Variants in TPTE2 observed in about 807,000 individuals in gnomAD.
TPTE2 encodes the protein phosphatidylinositol 3,4,5-trisphosphate 3-phosphatase TPTE2.
In TPTE2, 53 loss-of-function variants were observed where a neutral mutation model predicts 78.6. That is an observed-to-expected ratio of 0.67 (90% CI 0.54 to 0.85). TPTE2 has a LOEUF of 0.85. Among genes scored for constraint, TPTE2 ranks in the 40% least tolerant of loss-of-function variants. The pLI, the probability that TPTE2 is intolerant of heterozygous loss-of-function variation, is 0.00. For missense variants in TPTE2, 461 were observed against 623.0 expected, an observed-to-expected ratio of 0.74 and a Z score of 2.77; for synonymous variants, 175 against 206.2, an observed-to-expected ratio of 0.85 and a Z score of 1.30.
chr13:19,510,857 C>T (rs910673636), intron 1 of TPTE2, among the ~76,000 whole-genome samples: 2 of 152,184 alleles, frequency 1.3e-5, no homozygotes, highest in Non-Finnish European at 2.9e-5. Flanking sequence ...GCTATAAGAA[C>T]ATAAAATGAT....
chr13:19,506,330 C>T (rs1869034217), upstream of TPTE2, among the ~76,000 whole-genome samples: 1 of 150,356 alleles, frequency 6.7e-6, no homozygotes, highest in African/African-American at 2.4e-5. Flanking sequence ...CGCCACTACG[C>T]CCGGCTAATT....
intron 15 of TPTE2, among the ~76,000 whole-genome samples, chr13:19,433,081 T>A (rs1876793497): frequency 6.6e-6 from 1 of 152,204 alleles, no homozygotes; most frequent in Non-Finnish European, 1.5e-5. Context: ...TCCTCAATTC[T>A]GTTTTCTCAA....
chr13:19,484,277 C>G (rs1880527777), intron 3 of TPTE2, among the ~76,000 whole-genome samples: 1 of 152,028 alleles, frequency 6.6e-6, no homozygotes, highest in African/African-American at 2.4e-5. Context: ...TTTGAATGTT[C>G]CTCTTGTTAT....
Position 19,467,105 on chromosome 13 carries a change from A to C in TPTE2, c.512+120T>G, listed in dbSNP as rs115409583. The C allele has an allele frequency of 2.1e-3, 2,592 of 1,242,626 alleles. 52 individuals carry two copies. In the African/African-American group the frequency reaches 0.036, roughly 17 times the overall value. 77.0% of individuals were successfully genotyped at this position (1,242,626 alleles called of 1,614,324 possible). Reference sequence around the variant, plus strand: ...CATTTACCCAAACATTTCATTTTAAAGCAATGTATTTGGTATAGATGAGAA... The same window carrying C: ...CATTTACCCAAACATTTCATTTTAACGCAATGTATTTGGTATAGATGAGAA... On this transcript the variant is annotated intron_variant, in intron 7 of 19. Coordinates refer to ENST00000400230, the Ensembl canonical transcript of TPTE2.
intron 1 of TPTE2, among the ~76,000 whole-genome samples, chr13:19,514,025 G>A (rs1278488087): frequency 6.6e-6 from 1 of 152,098 alleles, no homozygotes; most frequent in African/African-American, 2.4e-5. Flanking sequence ...TGAAGGGTGA[G>A]GGACAGATAC....
At chr13:19,437,137 T>C (rs1217411892) in intron 14 of TPTE2, among the ~76,000 whole-genome samples, 1 of 152,118 alleles carries the variant, frequency 6.6e-6, no homozygotes, top group Non-Finnish European at 1.5e-5. Flanking sequence ...AGATGTCAGT[T>C]ACAACCCAGT....
At position 19,455,679 on chromosome 13, in the gene TPTE2, T is replaced by C. The variant is rs1878500217; in HGVS notation, c.742-4454A>G. Among the ~76,000 whole-genome samples, 3 of 118,448 alleles carry C rather than the reference T, an allele frequency of 2.5e-5. No individual in the cohort carries two copies. In the South Asian group the frequency reaches 1.0e-3, roughly 40 times the overall value. The allele number at this position is 118,448 out of a possible 152,430, so 77.7% of individuals were successfully genotyped here. The stretch of plus-strand genomic sequence containing the variant: ...AAGTTCTAAATAAAATATTAGCAAA[T>C]AGAATCTAGTGATACATAAAAAAAT... On this transcript the variant is annotated intron_variant, in intron 10 of 19. Transcript: ENST00000400230.
At chr13:19,514,074 T>C (rs1322307365) in intron 1 of TPTE2, among the ~76,000 whole-genome samples, 9 of 152,064 alleles carry the variant, frequency 5.9e-5, no homozygotes, top group African/African-American at 1.4e-4. Context: ...GAGGGCTCCT[T>C]TGCTGCCTGT....
intron 1 of TPTE2, among the ~76,000 whole-genome samples, chr13:19,497,867 A>G (rs1400175389): frequency 6.6e-6 from 1 of 151,158 alleles, no homozygotes; most frequent in African/African-American, 2.4e-5. Flanking sequence ...ACGGGAGGAC[A>G]TTCAAACCAA....
chr13:19,461,632 A>C (rs1217456783), intron 10 of TPTE2, among the ~76,000 whole-genome samples: 3 of 152,178 alleles, frequency 2.0e-5, no homozygotes, highest in Non-Finnish European at 4.4e-5. Context: ...ATTGGAGTCT[A>C]TCTTTCCCTT....
intron 1 of TPTE2, among the ~76,000 whole-genome samples, chr13:19,525,301 A>C (rs1870429889): frequency 1.3e-5 from 2 of 152,196 alleles, no homozygotes; most frequent in Non-Finnish European, 2.9e-5. Flanking sequence ...CAAACCATCT[A>C]CAAGGCTACA....
At chr13:19,452,024 A>G (rs1878222452) in intron 10 of TPTE2, among the ~76,000 whole-genome samples, 1 of 152,102 alleles carries the variant, frequency 6.6e-6, no homozygotes, top group Non-Finnish European at 1.5e-5. Flanking sequence ...TTAGTATGGT[A>G]CCCTCAGAGC....
At chr13:19,536,902 T>C (rs1276650032), upstream of TPTE2, 1 of 150,990 alleles carries the variant, frequency 6.6e-6, no homozygotes, top group African/African-American at 2.4e-5. Context: ...ATTTATATAT[T>C]CATGAATATA....
intron 1 of TPTE2, among the ~76,000 whole-genome samples, chr13:19,496,718 T>A (rs1226958268): frequency 2.0e-5 from 3 of 152,162 alleles, no homozygotes; most frequent in Non-Finnish European, 1.5e-5. Flanking sequence ...GATTTTCTCC[T>A]CCCTTCTGTC....
chr13:19,470,714 C>CG (rs1879560039), intron 6 of TPTE2, among the ~76,000 whole-genome samples: 1 of 150,796 alleles, frequency 6.6e-6, no homozygotes. Context: ...TTAGTACAGA[C>CG]GGGGTTTCAC....
chr13:19,431,334 T>G (rs113889408), intron 16 of TPTE2, among the ~76,000 whole-genome samples: 2 of 152,086 alleles, frequency 1.3e-5, no homozygotes, highest in South Asian at 4.1e-4. Flanking sequence ...CAAAAATTCC[T>G]GTGGTGTTCA....
the TPTE2 span, among the ~76,000 whole-genome samples, chr13:19,559,290 T>C: frequency 1.1e-4 from 17 of 152,164 alleles, no homozygotes; most frequent in Non-Finnish European, 2.2e-4. Flanking sequence ...AAACCAAAAG[T>C]GGTTTCTCTT....
chr13:19,446,608 TAC>T (rs984743866), intron 13 of TPTE2, among the ~76,000 whole-genome samples: 3 of 152,142 alleles, frequency 2.0e-5, no homozygotes, highest in African/African-American at 7.2e-5. Context: ...ATGAAATACA[TAC>T]ACACACATAG....
chr13:19,546,262 T>C, the TPTE2 span, among the ~76,000 whole-genome samples: 2 of 151,992 alleles, frequency 1.3e-5, no homozygotes, highest in African/African-American at 2.4e-5. Flanking sequence ...CCAGCCCCTA[T>C]TGGGTTAGGC....
Sources: gnomAD v4.1 joint callset for allele counts (sites outside exome capture counted in the v4.1 genomes callset) on GRCh38, gnomAD v4.1.1 for gene constraint, MANE v1.5 for transcripts, NCBI Gene and HGNC (gene_info 2026-07-23, HGNC 2026-07-21) for gene names.